The following LRRTM4 variants were observed in gnomAD, a reference collection of about 807,000 sequenced individuals.
LRRTM4 encodes the protein leucine rich repeat transmembrane neuronal 4.
Under a neutral mutation model 47.6 loss-of-function variants are expected in LRRTM4, and 25 were observed. The ratio of observed to expected loss-of-function variants is 0.53; its 90% CI spans 0.38 to 0.73. The LOEUF is 0.73. LRRTM4 is among the 30% of genes least tolerant of loss of function. LRRTM4 has a pLI of 0.00. For synonymous variants in LRRTM4, 311 were observed against 269.5 expected, an observed-to-expected ratio of 1.15 and a Z score of -1.51; for missense variants, 638 against 713.4, an observed-to-expected ratio of 0.89 and a Z score of 1.20.
intron 3 of LRRTM4, among the ~76,000 whole-genome samples, chr2:77,095,772 C>T (rs1670795396): frequency 2.6e-5 from 4 of 152,118 alleles, no homozygotes; most frequent in African/African-American, 9.7e-5. Flanking sequence ...CTTGGCCTCC[C>T]AAAGTGCTGG....
chr2:77,093,409 C>T (rs566289890), intron 3 of LRRTM4, among the ~76,000 whole-genome samples: 2 of 151,228 alleles, frequency 1.3e-5, no homozygotes, highest in Admixed American at 6.6e-5. Flanking sequence ...CATCCAAAAC[C>T]GTATCCAGGC....
chr2:76,880,624 T>C (rs913675163), intron 3 of LRRTM4, among the ~76,000 whole-genome samples: 15 of 152,046 alleles, frequency 9.9e-5, no homozygotes, highest in African/African-American at 2.7e-4. Flanking sequence ...CAAAACAGTA[T>C]TGGAAGAAAA....
At chr2:77,243,242 C>T (rs1169414363) in intron 3 of LRRTM4, among the ~76,000 whole-genome samples, 1 of 151,848 alleles carries the variant, frequency 6.6e-6, no homozygotes, top group African/African-American at 2.4e-5. Context: ...AAACCCCCAT[C>T]TCTACTAAAA....
intron 3 of LRRTM4, among the ~76,000 whole-genome samples, chr2:76,966,341 A>G (rs922597003): frequency 6.6e-6 from 1 of 151,364 alleles, no homozygotes; most frequent in African/African-American, 2.4e-5. Flanking sequence ...AGTGGGAGAG[A>G]AAGAAAAGAG....
intron 3 of LRRTM4, among the ~76,000 whole-genome samples, chr2:76,793,930 A>G (rs1675116483): frequency 6.6e-6 from 1 of 152,182 alleles, no homozygotes; most frequent in Non-Finnish European, 1.5e-5. Flanking sequence ...TGGGACACAG[A>G]AAAGATTTCT....
At chr2:77,381,064 C>A (rs200329396) in intron 3 of LRRTM4, among the ~76,000 whole-genome samples, 4 of 151,892 alleles carry the variant, frequency 2.6e-5, no homozygotes, top group Non-Finnish European at 4.4e-5. Context: ...ATTTTCTAAT[C>A]TTTTTAGTGA....
At chr2:77,454,872 C>A (rs993763564) in intron 3 of LRRTM4, among the ~76,000 whole-genome samples, 6 of 152,050 alleles carry the variant, frequency 3.9e-5, no homozygotes, top group African/African-American at 1.4e-4. Flanking sequence ...AGCTGCCCCC[C>A]CTTTTATTTA....
intron 3 of LRRTM4, among the ~76,000 whole-genome samples, chr2:77,020,795 C>A (rs1190280471): frequency 6.6e-6 from 1 of 152,132 alleles, no homozygotes; most frequent in Non-Finnish European, 1.5e-5. Context: ...AAGTCAACAA[C>A]AACGAAGATG....
At chr2:77,183,090 T>C (rs1445009269) in intron 3 of LRRTM4, among the ~76,000 whole-genome samples, 1 of 152,092 alleles carries the variant, frequency 6.6e-6, no homozygotes, top group Non-Finnish European at 1.5e-5. Context: ...AAATGGGATC[T>C]AATTAAACTA....
At chr2:76,873,518 A>ATACATATATATATATATATATG (rs1394538385) in intron 3 of LRRTM4, among the ~76,000 whole-genome samples, 5 of 145,738 alleles carry the variant, frequency 3.4e-5, no homozygotes, top group Non-Finnish European at 6.0e-5. Flanking sequence ...ATATATATAT[A>ATACATATATATATATATATATG]TATATATATA....
chr2:77,498,472 G>A (rs945887571), intron 3 of LRRTM4, among the ~76,000 whole-genome samples: 3 of 151,606 alleles, frequency 2.0e-5, no homozygotes, highest in Non-Finnish European at 2.9e-5. Flanking sequence ...GGATCCCATC[G>A]TTAAACTGAG....
intron 3 of LRRTM4, among the ~76,000 whole-genome samples, chr2:77,340,571 C>T (rs1671338101): frequency 6.6e-6 from 1 of 151,890 alleles, no homozygotes; most frequent in Non-Finnish European, 1.5e-5. Flanking sequence ...CTTTAAAACA[C>T]TTTTATTGTC....
At chr2:76,934,205 A>G (rs1674864537) in intron 3 of LRRTM4, among the ~76,000 whole-genome samples, 1 of 152,176 alleles carries the variant, frequency 6.6e-6, no homozygotes, top group Non-Finnish European at 1.5e-5. Flanking sequence ...CTATAATGTA[A>G]TTATGTTGAA....
chr2:76,847,829 C>T (rs1671882421), intron 3 of LRRTM4, among the ~76,000 whole-genome samples: 1 of 152,022 alleles, frequency 6.6e-6, no homozygotes, highest in African/African-American at 2.4e-5. Flanking sequence ...ATTTTATAAA[C>T]ATTTAAATTA....
intron 3 of LRRTM4, among the ~76,000 whole-genome samples, chr2:77,061,727 A>G (rs558012812): frequency 6.6e-6 from 1 of 152,316 alleles, no homozygotes; most frequent in African/African-American, 2.4e-5. Flanking sequence ...GACCTACCAC[A>G]TAATGCCCAT....
intron 3 of LRRTM4, among the ~76,000 whole-genome samples, chr2:76,932,522 G>A (rs1207769955): frequency 6.6e-6 from 1 of 152,088 alleles, no homozygotes; most frequent in Non-Finnish European, 1.5e-5. Flanking sequence ...ACAGGAAGAA[G>A]ACGGTACGCC....
chr2:77,500,854 G>T (rs1468823564), intron 3 of LRRTM4, among the ~76,000 whole-genome samples: 1 of 151,442 alleles, frequency 6.6e-6, no homozygotes, highest in Non-Finnish European at 1.5e-5. Context: ...CAAAGAGGTA[G>T]ATCTTTATTT....
intron 3 of LRRTM4, among the ~76,000 whole-genome samples, chr2:76,932,836 G>C (rs576291077): frequency 6.6e-6 from 1 of 151,250 alleles, no homozygotes; most frequent in Admixed American, 6.6e-5. Flanking sequence ...TTCTTTTTTT[G>C]GTATTTAATT....
intron 3 of LRRTM4, among the ~76,000 whole-genome samples, chr2:77,209,252 T>C (rs1481242479): frequency 1.3e-5 from 2 of 152,188 alleles, no homozygotes; most frequent in Non-Finnish European, 2.9e-5. Context: ...GAAAACATAC[T>C]AATGCTAGGG....
Sources: allele counts gnomAD v4.1 joint callset (sites outside exome capture counted in the v4.1 genomes callset), GRCh38; gene constraint gnomAD v4.1.1; transcripts MANE v1.5; gene names NCBI Gene and HGNC (gene_info 2026-07-23, HGNC 2026-07-21).